Variants in EPHB2 observed in about 807,000 individuals in gnomAD.
The protein encoded by EPHB2 is ephrin type-B receptor 2.
A neutral mutation model predicts 96.4 loss-of-function variants in EPHB2; 18 were observed. That is an observed-to-expected ratio of 0.19 (90% confidence interval 0.13 to 0.28). The LOEUF (loss-of-function observed/expected upper bound fraction) is 0.28. Ranked by LOEUF, EPHB2 falls within the 10% of genes least tolerant of loss-of-function variation. The pLI is 1.00. For missense variants in EPHB2, 989 were observed against 1,355.4 expected (o/e 0.73, Z 4.25); for synonymous variants, 506 against 534.1 (o/e 0.95, Z 0.72).
chr1:22,873,645 AGATAGGAG>A (rs534663168), intron 5 of EPHB2, among the ~76,000 whole-genome samples: 163 of 152,274 alleles, frequency 1.1e-3, no homozygotes, highest in African/African-American at 3.7e-3. Flanking sequence ...GCGTGTCAGA[AGATAGGAG>A]TACAGCAACT....
At chr1:22,785,278 G>A (rs561524412) in intron 3 of EPHB2, among the ~76,000 whole-genome samples, 15 of 152,300 alleles carry the variant, frequency 9.8e-5, no homozygotes, top group African/African-American at 2.4e-4. Flanking sequence ...AAAACGATCC[G>A]CGCACATGCC....
At chr1:22,781,361 A>C in intron 1 of EPHB2, 60 bp from the exon 2 acceptor site, 1 of 1,537,228 alleles carries the variant, frequency 6.5e-7, no homozygotes, top group Non-Finnish European at 9.0e-7. Context: ...AGGGCCCAAC[A>C]GAAAGATTGA....
In EPHB2 at chr1:22,913,845, G is replaced by C. The variant is rs1324139542; in HGVS notation, c.*275G>C. 1 of 1,608,570 alleles carries C rather than the reference G, an allele frequency of 6.2e-7. No homozygotes were observed. The highest frequency in any genetic ancestry group is 2.2e-5 in the East Asian group (1 of 44,832). On this transcript the variant is annotated 3_prime_UTR_variant, in exon 16 of 16. Transcript: ENST00000374630. The surrounding 1 kb of genome is among the most constrained non-coding windows in gnomAD (Gnocchi z 4.1). ...TTTAAAGAGGATTCTCATAAGGAAA[G>C]CAATGACTGTTCTTGCGGGGGATAA... is the stretch of plus-strand genomic sequence containing the variant.
intron 1 of EPHB2, among the ~76,000 whole-genome samples, chr1:22,716,849 G>A (rs898910704): frequency 1.3e-5 from 2 of 152,220 alleles, no homozygotes; most frequent in Non-Finnish European, 2.9e-5. Context: ...CACTGAGGGT[G>A]GCGGAGATGC....
chr1:22,743,796 G>A (rs1426933551), intron 1 of EPHB2, among the ~76,000 whole-genome samples: 1 of 152,174 alleles, frequency 6.6e-6, no homozygotes, highest in Non-Finnish European at 1.5e-5. Context: ...GTAGATGATA[G>A]CCCCAAAGCT....
intron 1 of EPHB2, among the ~76,000 whole-genome samples, chr1:22,731,044 C>T (rs533599723): frequency 2.0e-5 from 3 of 152,150 alleles, no homozygotes; most frequent in South Asian, 2.1e-4. Context: ...CCAGAGGGGG[C>T]GGAGAGAAAA....
At chr1:22,748,014 G>A (rs192284158) in intron 1 of EPHB2, among the ~76,000 whole-genome samples, 54 of 152,352 alleles carry the variant, frequency 3.5e-4, no homozygotes, top group African/African-American at 1.1e-3. Flanking sequence ...CTGAGAACGA[G>A]TATGACTCTA....
At chr1:22,895,029 G>A (rs905020911) in intron 7 of EPHB2, among the ~76,000 whole-genome samples, 9 of 152,178 alleles carry the variant, frequency 5.9e-5, no homozygotes, top group African/African-American at 2.2e-4. Flanking sequence ...AGGCAACTGA[G>A]GCACAAAGAG....
chr1:22,776,279 C>CT (rs1209867797), intron 1 of EPHB2, among the ~76,000 whole-genome samples: 1 of 152,230 alleles, frequency 6.6e-6, no homozygotes, highest in Non-Finnish European at 1.5e-5. Context: ...TCACTCCCCA[C>CT]TCACCCAGTC....
intron 1 of EPHB2, among the ~76,000 whole-genome samples, chr1:22,766,946 G>A (rs1286203524): frequency 6.6e-6 from 1 of 152,224 alleles, no homozygotes; most frequent in East Asian, 1.9e-4. Flanking sequence ...CTGTGGTCCT[G>A]TGGCCTCCGG....
At chr1:22,765,851 G>A (rs1034420055) in intron 1 of EPHB2, among the ~76,000 whole-genome samples, 3 of 152,140 alleles carry the variant, frequency 2.0e-5, no homozygotes, top group Admixed American at 6.5e-5. Context: ...CCCCACCCTG[G>A]GAACCCGCCA....
chr1:22,711,301 C>G (rs895937752), intron 1 of EPHB2, among the ~76,000 whole-genome samples: 17 of 147,718 alleles, frequency 1.2e-4, no homozygotes, highest in African/African-American at 3.7e-4. Flanking sequence ...GCCAGCCCGG[C>G]GAGCGCCGCC....
chr1:22,712,648 G>A (rs1333448329), intron 1 of EPHB2, among the ~76,000 whole-genome samples: 1 of 152,208 alleles, frequency 6.6e-6, no homozygotes. Flanking sequence ...GGCTCCTGGG[G>A]GATTTGGCGG....
chr1:22,913,647 A>G lies in EPHB2; in HGVS notation c.*77A>G, dbSNP rs555558114. ...CACGTGCCGGCCCTCCTGGTGCTCT[A>G]TCCACTGCAGGGCCAGCCACTCGCC... is the stretch of plus-strand genomic sequence containing the variant. On this transcript the variant is annotated 3_prime_UTR_variant, in exon 16 of 16. Transcript: ENST00000374630. The surrounding 1 kb of genome is among the most constrained non-coding windows in gnomAD (Gnocchi z 4.1). 28 of 1,602,138 alleles carry G rather than the reference A, an allele frequency of 1.7e-5. No individual in the cohort carries two copies. The highest frequency in any genetic ancestry group is 1.6e-4 in the Admixed American group (9 of 57,572).
intron 3 of EPHB2, among the ~76,000 whole-genome samples, chr1:22,849,322 C>T (rs1405852525): frequency 6.6e-6 from 1 of 152,172 alleles, no homozygotes; most frequent in Non-Finnish European, 1.5e-5. Flanking sequence ...CCTTGTCCGT[C>T]TCCTTCGTGA....
intron 3 of EPHB2, among the ~76,000 whole-genome samples, chr1:22,786,045 A>T (rs1416571416): frequency 1.3e-5 from 2 of 152,236 alleles, no homozygotes; most frequent in African/African-American, 4.8e-5. Flanking sequence ...AGAACCATGA[A>T]GGTGGTCTGC....
chr1:22,800,716 G>GTC (rs1329627058), intron 3 of EPHB2, among the ~76,000 whole-genome samples: 2 of 151,814 alleles, frequency 1.3e-5, no homozygotes, highest in Non-Finnish European at 2.9e-5. Context: ...GTGTGTGTGT[G>GTC]TGTGTGTGCA....
intron 3 of EPHB2, among the ~76,000 whole-genome samples, chr1:22,840,957 G>T (rs1486052637): frequency 6.6e-6 from 1 of 152,150 alleles, no homozygotes; most frequent in African/African-American, 2.4e-5. Flanking sequence ...GCCAGGAAGT[G>T]GTCTGACTCC....
intron 1 of EPHB2, among the ~76,000 whole-genome samples, chr1:22,734,483 G>A (rs563711582): frequency 2.2e-4 from 33 of 149,884 alleles, no homozygotes; most frequent in Non-Finnish European, 2.7e-4. Flanking sequence ...GTGCAGTGGC[G>A]CAATCTCTGC....
Sources: gnomAD v4.1 joint callset for allele counts (sites outside exome capture counted in the v4.1 genomes callset) on GRCh38, gnomAD v4.1.1 for gene constraint, Gnocchi (gnomAD v3.1) non-coding constraint, MANE v1.5 for transcripts, NCBI Gene and HGNC (gene_info 2026-07-23, HGNC 2026-07-21) for gene names.